Variants in AMZ2 observed in about 807,000 individuals in gnomAD.
AMZ2 encodes archaelysin family metallopeptidase 2.
In AMZ2, 26 loss-of-function variants were observed where a neutral mutation model predicts 36.7. The ratio of observed to expected loss-of-function variants is 0.71; its 90% CI spans 0.52 to 0.98. AMZ2 has a LOEUF of 0.98. Ranked by LOEUF, AMZ2 falls within the 50% of genes least tolerant of loss-of-function variation. AMZ2 has a pLI of 0.00. For missense variants in AMZ2, 394 were observed against 430.5 expected, an observed-to-expected ratio of 0.92 and a Z score of 0.75; for synonymous variants, 144 against 149.1, an observed-to-expected ratio of 0.97 and a Z score of 0.25.
At chr17:68,218,649 G>A (rs2073265028) in intron 1 of AMZ2, among the ~76,000 whole-genome samples, 1 of 152,080 alleles carries the variant, frequency 6.6e-6, no homozygotes, top group Non-Finnish European at 1.5e-5. Context: ...AATTCCTTCT[G>A]TCCACATTCA....
At chr17:68,221,210 C>A (rs1175029896) in intron 1 of AMZ2, among the ~76,000 whole-genome samples, 1 of 6,238 alleles carries the variant, frequency 1.6e-4, no homozygotes, top group African/African-American at 3.3e-4. Context: ...GCCCTCAGCT[C>A]CCCCCCCCGC....
chr17:68,246,915 T>C (rs1227110220), upstream of AMZ2: 2 of 152,062 alleles, frequency 1.3e-5, no homozygotes, highest in Non-Finnish European at 2.9e-5. Flanking sequence ...GACTTCAAAA[T>C]AACAGGCCGG....
chr17:68,210,165 C>T (rs2072999097), intron 1 of AMZ2, among the ~76,000 whole-genome samples: 1 of 152,030 alleles, frequency 6.6e-6, no homozygotes, highest in Admixed American at 6.6e-5. Context: ...ACTATATGAC[C>T]CGGTAATTCT....
At chr17:68,248,022 C>A, upstream of AMZ2, 4 of 986,590 alleles carry the variant, frequency 4.1e-6, no homozygotes, top group Non-Finnish European at 4.8e-6. Context: ...GGGCGTGGCG[C>A]CAGTGGGCGT....
chr17:68,257,094 T>C lies in AMZ2; in HGVS notation c.*125T>C, dbSNP rs1235858335. 1.1e-6 allele frequency: 1 copy of C among 930,220 alleles called. No individual in the cohort carries two copies. The highest frequency in any genetic ancestry group is 1.6e-6 in the Non-Finnish European group (1 of 640,476). The allele number at this position is 930,220 out of a possible 1,614,324, so 57.6% of individuals were successfully genotyped here. A position where few individuals can be genotyped will look rare whatever the true frequency, so the allele number is the denominator to read the frequency against. On this transcript the variant is annotated 3_prime_UTR_variant, in exon 7 of 7. Transcript: ENST00000359904. Reference sequence around the variant, plus strand: ...GTGTCAAAGTAACAGACTAGAACCTTCTTTCAAGTACCTGAATTGAAATGA... The same window carrying C: ...GTGTCAAAGTAACAGACTAGAACCTCCTTTCAAGTACCTGAATTGAAATGA...
chr17:68,221,214 CCCCCG>C (rs2073352704), intron 1 of AMZ2, among the ~76,000 whole-genome samples: 3 of 83,632 alleles, frequency 3.6e-5, no homozygotes, highest in African/African-American at 1.4e-4. Flanking sequence ...TCAGCTCCCC[CCCCCG>C]CCCCCCCGGT....
At position 68,231,626 on chromosome 17, in the gene AMZ2, G is replaced by A. The variant is rs1458387155; in HGVS notation, c.-66-17014G>A. Reference sequence around the variant, plus strand: ...CATGGTGGGAAACACATAAGTAGTAGTACGAGTTTTCCTTGCATGGGGACA... The same window carrying A: ...CATGGTGGGAAACACATAAGTAGTAATACGAGTTTTCCTTGCATGGGGACA... On this transcript the variant is annotated intron_variant, in intron 1 of 7. Coordinates refer to the AMZ2 transcript ENST00000674770. 5.4e-5 allele frequency among the ~76,000 whole-genome samples: 2 copies of A among 37,140 alleles called. 1 individual carries two copies. The highest frequency in any genetic ancestry group is 9.1e-5 in the Non-Finnish European group (2 of 21,866). The allele number at this position is 37,140 out of a possible 152,430, so 24.4% of individuals were successfully genotyped here. A position where few individuals can be genotyped will look rare whatever the true frequency, so the allele number is the denominator to read the frequency against.
chr17:68,227,453 A>C (rs1478258935), intron 1 of AMZ2, among the ~76,000 whole-genome samples: 2 of 152,214 alleles, frequency 1.3e-5, no homozygotes, highest in Non-Finnish European at 2.9e-5. Flanking sequence ...AGATTAAGAC[A>C]ACAGAAATCT....
At chr17:68,236,534 CCTT>C (rs1224347414) in intron 1 of AMZ2, among the ~76,000 whole-genome samples, 15 of 150,368 alleles carry the variant, frequency 1.0e-4, no homozygotes, top group African/African-American at 3.4e-4. Flanking sequence ...AAAAAGCCCT[CCTT>C]CTAACATTAT....
intron 1 of AMZ2, among the ~76,000 whole-genome samples, chr17:68,224,749 C>T (rs1345736124): frequency 5.3e-5 from 8 of 151,920 alleles, no homozygotes; most frequent in Admixed American, 1.3e-4. Flanking sequence ...CTATGTTGCC[C>T]GGGCTGAGGG....
intron 1 of AMZ2, among the ~76,000 whole-genome samples, chr17:68,212,098 T>C (rs2144489800): frequency 6.6e-6 from 1 of 152,242 alleles, no homozygotes; most frequent in Non-Finnish European, 1.5e-5. Flanking sequence ...TGGCCAGGTG[T>C]GGTGACCCAC....
chr17:68,254,435 C>T lies in AMZ2; in HGVS notation c.618C>T (p.Gly206=), dbSNP rs1555741573. The T allele has an allele frequency of 2.5e-6, 4 of 1,612,980 alleles. No homozygotes were observed. The highest frequency in any genetic ancestry group is 3.4e-6 in the Non-Finnish European group (4 of 1,179,896). ...GGATATTCAGCTTTGCCAGGTATGGCAGTGATTTTTATAGCATGCACTATA... is the reference window on the plus strand; with the variant it reads ...GGATATTCAGCTTTGCCAGGTATGGTAGTGATTTTTATAGCATGCACTATA... ...GVGIFSFARY[G]SDFYSMHYKG... Residue 206 remains glycine, a synonymous_variant, in exon 5 of 7, where the codon GGC becomes GGT. Transcript: ENST00000359904.
intron 1 of AMZ2, among the ~76,000 whole-genome samples, chr17:68,228,079 T>G (rs1180952628): frequency 1.3e-5 from 2 of 152,168 alleles, no homozygotes; most frequent in African/African-American, 2.4e-5. Context: ...TGTGGAGTTG[T>G]GCCCTTGTCT....
At chr17:68,229,638 C>T (rs2073610213) in intron 1 of AMZ2, among the ~76,000 whole-genome samples, 1 of 152,240 alleles carries the variant, frequency 6.6e-6, no homozygotes, top group Non-Finnish European at 1.5e-5. Flanking sequence ...ATACTGGGTG[C>T]TGTTCCCTGT....
chr17:68,228,031 C>T (rs2073560921), intron 1 of AMZ2, among the ~76,000 whole-genome samples: 1 of 152,116 alleles, frequency 6.6e-6, no homozygotes, highest in South Asian at 2.1e-4. Context: ...GGGACATGTT[C>T]AAGTTGGCTG....
chr17:68,247,875 G>A (rs1448556770), upstream of AMZ2: 2 of 985,446 alleles, frequency 2.0e-6, no homozygotes, highest in East Asian at 1.1e-4. Context: ...TTCTGGAAGA[G>A]GCGGGTCGCG....
chr17:68,247,526 C>T (rs868956282), upstream of AMZ2: 6 of 679,880 alleles, frequency 8.8e-6, no homozygotes, highest in South Asian at 3.3e-4. Flanking sequence ...GCCACGAGGA[C>T]GCGCCCCACA....
intron 1 of AMZ2, chr17:68,207,323 C>CCA (rs1555724631): frequency 1.4e-5 from 2 of 143,790 alleles, no homozygotes; most frequent in Non-Finnish European, 3.0e-5. Context: ...ACCCCCCCCC[C>CCA]ACAAAGGCTG....
At chr17:68,234,467 A>G (rs1555732059) in intron 1 of AMZ2, among the ~76,000 whole-genome samples, 3 of 151,712 alleles carry the variant, frequency 2.0e-5, no homozygotes, top group Admixed American at 6.6e-5. Flanking sequence ...TAATAAAAAC[A>G]TGTATCTTAT....
Sources: allele counts gnomAD v4.1 joint callset (sites outside exome capture counted in the v4.1 genomes callset), GRCh38; gene constraint gnomAD v4.1.1; transcripts MANE v1.5; gene names NCBI Gene and HGNC (gene_info 2026-07-23, HGNC 2026-07-21).